The following NRXN3 variants were observed in gnomAD, a reference collection of about 807,000 sequenced individuals.
NRXN3 encodes the protein neurexin III.
In NRXN3, 32 loss-of-function variants were observed where a neutral mutation model predicts 137.6. The observed-to-expected ratio is 0.23, with a 90% CI of 0.18 to 0.31. The LOEUF (loss-of-function observed/expected upper bound fraction) is 0.31. Ranked by LOEUF, NRXN3 falls within the 10% of genes least tolerant of loss-of-function variation. The pLI is 1.00. For missense variants in NRXN3, 1,574 were observed against 2,062.5 expected, an observed-to-expected ratio of 0.76 and a Z score of 4.59; for synonymous variants, 798 against 784.5, an observed-to-expected ratio of 1.02 and a Z score of -0.29.
chr14:79,648,148 G>A (rs555852196), intron 16 of NRXN3, among the ~76,000 whole-genome samples: 1 of 134,668 alleles, frequency 7.4e-6, no homozygotes, highest in South Asian at 2.3e-4. Flanking sequence ...TTATATGGTA[G>A]CAAAAGTATT....
At chr14:79,471,585 T>C (rs1378299531) in intron 16 of NRXN3, among the ~76,000 whole-genome samples, 2 of 152,210 alleles carry the variant, frequency 1.3e-5, no homozygotes, top group Non-Finnish European at 2.9e-5. Flanking sequence ...TAGTCAATCT[T>C]ATTGCCATCC....
At chr14:78,236,738 C>T (rs1028166142) in intron 1 of NRXN3, among the ~76,000 whole-genome samples, 3 of 146,586 alleles carry the variant, frequency 2.0e-5, no homozygotes, top group East Asian at 2.1e-4. Flanking sequence ...TTCCCCCCCC[C>T]CTTTTTTTTG....
chr14:78,251,592 C>T (rs2068639680), intron 2 of NRXN3, among the ~76,000 whole-genome samples: 1 of 152,154 alleles, frequency 6.6e-6, no homozygotes, highest in African/African-American at 2.4e-5. Context: ...CCATTCATCA[C>T]AGACACATTT....
At chr14:78,323,796 C>T (rs1166913192) in intron 4 of NRXN3, among the ~76,000 whole-genome samples, 4 of 152,010 alleles carry the variant, frequency 2.6e-5, no homozygotes, top group African/African-American at 9.7e-5. Flanking sequence ...AGTGGGAGCC[C>T]AGTCCCAGGA....
chr14:79,170,698 T>G (rs2061694660), intron 15 of NRXN3, among the ~76,000 whole-genome samples: 1 of 152,162 alleles, frequency 6.6e-6, no homozygotes, highest in Non-Finnish European at 1.5e-5. Flanking sequence ...TTCTCCTGTC[T>G]CTGCACATTT....
chr14:79,125,603 A>G (rs1298565348), intron 15 of NRXN3, among the ~76,000 whole-genome samples: 1 of 152,178 alleles, frequency 6.6e-6, no homozygotes, highest in East Asian at 1.9e-4. Context: ...GCAGTCTTAA[A>G]TAGCCCTCGA....
intron 15 of NRXN3, among the ~76,000 whole-genome samples, chr14:79,245,887 G>A (rs1181279808): frequency 6.6e-6 from 1 of 152,126 alleles, no homozygotes; most frequent in Non-Finnish European, 1.5e-5. Flanking sequence ...AGAAAAAAGG[G>A]AAAGAGGAAG....
intron 15 of NRXN3, among the ~76,000 whole-genome samples, chr14:79,015,107 A>G (rs998113945): frequency 2.0e-5 from 3 of 152,022 alleles, no homozygotes; most frequent in Admixed American, 6.6e-5. Flanking sequence ...TCTTGGCTGC[A>G]TCTAGTCAGC....
At chr14:78,938,894 G>C (rs1298747403) in intron 10 of NRXN3, among the ~76,000 whole-genome samples, 2 of 148,100 alleles carry the variant, frequency 1.4e-5, no homozygotes, top group East Asian at 3.9e-4. Flanking sequence ...GCCCAGGCTG[G>C]AGTGCAGTGG....
intron 11 of NRXN3, among the ~76,000 whole-genome samples, chr14:78,961,042 C>CT (rs1241904789): frequency 1.4e-5 from 2 of 138,046 alleles, no homozygotes; most frequent in Non-Finnish European, 3.1e-5. Context: ...GTTCCAGAAA[C>CT]TTTTTTTACT....
intron 6 of NRXN3, among the ~76,000 whole-genome samples, chr14:78,673,920 TA>T (rs1300914969): frequency 6.6e-6 from 1 of 152,176 alleles, no homozygotes; most frequent in Non-Finnish European, 1.5e-5. Context: ...AGTTCACAGT[TA>T]TCTCAGGTTT....
intron 10 of NRXN3, among the ~76,000 whole-genome samples, chr14:78,847,970 A>G (rs1298583865): frequency 6.6e-6 from 1 of 152,064 alleles, no homozygotes; most frequent in African/African-American, 2.4e-5. Context: ...GGTTCTCAAG[A>G]TATTTGGGGC....
intron 15 of NRXN3, among the ~76,000 whole-genome samples, chr14:79,094,805 C>G (rs2049926754): frequency 6.6e-6 from 1 of 152,040 alleles, no homozygotes; most frequent in Non-Finnish European, 1.5e-5. Context: ...TGAATTTCCT[C>G]TGGAGATCAA....
rs534533357 is a variant in NRXN3, at chr14:79,174,964, T to C, written c.3262+186823T>C. 4.1e-5 allele frequency among the ~76,000 whole-genome samples: 6 copies of C among 145,026 alleles called. No homozygotes were observed. The South Asian group carries it at 1.1e-3, about 27-fold the overall frequency. On this transcript the variant is annotated intron_variant, in intron 15 of 20. Coordinates refer to ENST00000335750, the MANE Select transcript of NRXN3 (RefSeq NM_001330195.2). ...AGATATGTACACAAGTAAAATAACT[T>C]AGAATTCAGATTTCCTTTTTTTTTT...
intron 10 of NRXN3, among the ~76,000 whole-genome samples, chr14:78,880,237 C>T (rs1407642702): frequency 1.1e-5 from 1 of 95,022 alleles, no homozygotes; most frequent in African/African-American, 4.3e-5. Flanking sequence ...GAGACTCCGT[C>T]TCAAAAAAAA....
intron 15 of NRXN3, among the ~76,000 whole-genome samples, chr14:79,258,758 T>C (rs1490300530): frequency 3.9e-5 from 6 of 152,200 alleles, no homozygotes; most frequent in Non-Finnish European, 8.8e-5. Flanking sequence ...GGAGATATCA[T>C]TATGCTCAAT....
chr14:78,555,835 C>T (rs562092511), intron 4 of NRXN3, among the ~76,000 whole-genome samples: 1 of 152,230 alleles, frequency 6.6e-6, no homozygotes, highest in East Asian at 1.9e-4. Flanking sequence ...GTGGGGAAAC[C>T]ATGTGTCCTA....
At chr14:78,541,093 G>C (rs371198489) in intron 4 of NRXN3, among the ~76,000 whole-genome samples, 1 of 141,338 alleles carries the variant, frequency 7.1e-6, no homozygotes, top group Non-Finnish European at 1.6e-5. Flanking sequence ...ACAATTATGT[G>C]TCTGGGGTTG....
chr14:79,177,989 A>G (rs917428672), intron 15 of NRXN3, among the ~76,000 whole-genome samples: 1 of 152,214 alleles, frequency 6.6e-6, no homozygotes, highest in Non-Finnish European at 1.5e-5. Flanking sequence ...TTTTTGACCA[A>G]AAAAATGGCT....
Sources: allele counts gnomAD v4.1 joint callset (sites outside exome capture counted in the v4.1 genomes callset), GRCh38; gene constraint gnomAD v4.1.1; transcripts MANE v1.5; gene names NCBI Gene and HGNC (gene_info 2026-07-23, HGNC 2026-07-21).